Variants in MFAP1 observed in about 807,000 individuals in gnomAD.
MFAP1 encodes the protein microfibrillar-associated protein 1.
In MFAP1, 18 loss-of-function variants were observed where a neutral mutation model predicts 62.2. The observed-to-expected ratio is 0.29, with a 90% CI of 0.20 to 0.43. MFAP1 has a LOEUF of 0.43. Among genes scored for constraint, MFAP1 ranks in the 20% least tolerant of loss-of-function variants. The probability of loss-of-function intolerance (pLI) is 1.00; values close to 1 mark genes in which losing one functional copy is unlikely to be tolerated. For synonymous variants in MFAP1, 175 were observed against 180.4 expected (o/e 0.97, Z 0.24); for missense variants, 355 against 559.7 (o/e 0.63, Z 3.69).
intron 7 of MFAP1, among the ~76,000 whole-genome samples, chr15:43,806,432 T>C (rs2087366189): frequency 6.6e-6 from 1 of 152,234 alleles, no homozygotes; most frequent in South Asian, 2.1e-4. Context: ...ATTCAATCAG[T>C]TGCCACATCT....
At chr15:43,806,873 A>AAAATAAAT (rs568880077) in intron 7 of MFAP1, among the ~76,000 whole-genome samples, 3 of 151,572 alleles carry the variant, frequency 2.0e-5, no homozygotes, top group Non-Finnish European at 4.4e-5. Flanking sequence ...TTCCATCTCA[A>AAAATAAAT]AAATAAATAA....
At position 43,805,042 on chromosome 15, in the gene MFAP1, G is replaced by A; in HGVS notation, c.*52C>T. 1 of 1,506,310 alleles carries A rather than the reference G, an allele frequency of 6.6e-7. No individual in the cohort carries two copies. Among genetic ancestry groups the A allele is most frequent in the Admixed American group, 2.1e-5 (1 of 46,814 alleles). The allele number at this position is 1,506,310 out of a possible 1,614,324, so 93.3% of individuals were successfully genotyped here. A position where few individuals can be genotyped will look rare whatever the true frequency, so the allele number is the denominator to read the frequency against. On this transcript the variant is annotated 3_prime_UTR_variant, in exon 9 of 9. Transcript: ENST00000267812. ...AATGAAAAAACCAAATCAAGGACCA[G>A]ATGCTGAGACTCCCCTTGTGTTCCA...
rs1170133538 is a variant in MFAP1, at chr15:43,805,477, A to C, written c.1048-12T>G. On this transcript the variant is annotated splice_polypyrimidine_tract_variant and intron_variant, in intron 7 of 8. Coordinates refer to ENST00000267812, the MANE Select transcript of MFAP1 (RefSeq NM_005926.3). ...TCTTCATCCTCATCCTGTATAAAAAAAATCTTATCAATCTTGTGGCTTTAT... is the reference window on the plus strand; with the variant it reads ...TCTTCATCCTCATCCTGTATAAAAACAATCTTATCAATCTTGTGGCTTTAT... The C allele has an allele frequency of 6.3e-7, 1 of 1,594,522 alleles. No individual in the cohort carries two copies.
intron 2 of MFAP1, 23 bp from the exon 3 acceptor site, chr15:43,815,097 G>A (rs974953339): frequency 6.2e-7 from 1 of 1,613,174 alleles, no homozygotes; most frequent in Non-Finnish European, 8.5e-7. Context: ...ATCTCCAAAT[G>A]TAACACCAAT....
At chr15:43,808,308 C>T (rs1431325956) in intron 7 of MFAP1, among the ~76,000 whole-genome samples, 1 of 152,188 alleles carries the variant, frequency 6.6e-6, no homozygotes, top group Non-Finnish European at 1.5e-5. Context: ...CGGGCTGAAG[C>T]AATCCTTCCA....
intron 1 of MFAP1, among the ~76,000 whole-genome samples, chr15:43,817,864 C>T (rs908761976): frequency 4.6e-5 from 7 of 152,204 alleles, no homozygotes; most frequent in African/African-American, 1.7e-4. Context: ...ACTGCTCAGG[C>T]ATTCTTGTAG....
Position 43,824,601 on chromosome 15 carries a change from T to G in MFAP1, c.-32A>C, listed in dbSNP as rs753304420. On this transcript the variant is annotated 5_prime_UTR_variant, in exon 1 of 9. Transcript: ENST00000267812. ...GGCAGCGACGGTGATTCCCGAAACT[T>G]GACTAATTCCAAACAGTGAACACCA... is the stretch of plus-strand genomic sequence containing the variant. The G allele has an allele frequency of 1.2e-5, 19 of 1,612,474 alleles. No homozygotes were observed. The highest frequency in any genetic ancestry group is 1.6e-5 in the Non-Finnish European group (19 of 1,178,636).
chr15:43,813,096 C>T lies in MFAP1; in HGVS notation c.778G>A (p.Ala260Thr). The change falls in exon 6 of 9, where the codon GCT (alanine) becomes ACT (threonine). Residue 260 changes from alanine to threonine, a missense_variant. Transcript: ENST00000267812. ...KELEENKRSL[A>T]ALDALNTDDE... ...TCAGTATTGAGTGCATCCAATGCAG[C>T]CAGGGATCGCTTGTTCTCTTCCAGC... 6.2e-7 allele frequency: 1 copy of T among 1,614,192 alleles called. No individual in the cohort carries two copies. The highest frequency in any genetic ancestry group is 8.5e-7 in the Non-Finnish European group (1 of 1,180,032).
chr15:43,812,998 T>A lies in MFAP1; in HGVS notation c.876A>T (p.Glu292Asp). ...RELKRIKRDR[E>D]DREALEKEKA... ...ATCTTTTTACTCACGCTTCTCGATC[T>A]TCTCTGTCCCTCTTGATTCTTTTTA... The change falls in exon 6 of 9, where the codon GAA becomes GAT. Residue 292 changes from glutamate to aspartate, a missense_variant. Coordinates refer to ENST00000267812, the MANE Select transcript of MFAP1 (RefSeq NM_005926.3). The A allele has an allele frequency of 6.2e-7, 1 of 1,614,030 alleles. No individual in the cohort carries two copies. Among genetic ancestry groups the A allele is most frequent in the African/African-American group, 1.3e-5 (1 of 75,042 alleles).
At chr15:43,814,713 G>A (rs2141709046) in intron 3 of MFAP1, 25 bp from the exon 4 acceptor site, 1 of 1,609,196 alleles carries the variant, frequency 6.2e-7, no homozygotes, top group Non-Finnish European at 8.5e-7. Context: ...ATATAAGCCA[G>A]TCAGTCAAAT....
In MFAP1 at chr15:43,824,540, T is replaced by C. The variant is rs745901056; in HGVS notation, c.30A>G (p.Gln10=). 1.2e-6 allele frequency: 2 copies of C among 1,614,112 alleles called. No homozygotes were observed. Among genetic ancestry groups the C allele is most frequent in the South Asian group, 1.1e-5 (1 of 91,078 alleles). Residue 10 remains glutamine, a synonymous_variant, in exon 1 of 9, where the codon CAA becomes CAG. Coordinates refer to ENST00000267812, the MANE Select transcript of MFAP1 (RefSeq NM_005926.3). MSVPSALMK[Q]PPIQSTAGAV... is the part of the protein sequence containing the mutation. ...CCCCAGCCGTAGACTGAATGGGCGG[T>C]TGCTTCATGAGAGCGCTTGGGACCG...
intron 1 of MFAP1, 105 bp downstream of exon 1, chr15:43,824,386 C>A: frequency 8.8e-7 from 1 of 1,133,446 alleles, no homozygotes; most frequent in East Asian, 2.5e-5. Flanking sequence ...GCAGCCAGAT[C>A]TCAAGAGCTG....
intron 7 of MFAP1, among the ~76,000 whole-genome samples, chr15:43,809,225 C>A (rs1001636527): frequency 2.6e-5 from 4 of 151,744 alleles, no homozygotes; most frequent in African/African-American, 9.7e-5. Context: ...TGCCTGTATT[C>A]CTAATACTTT....
intron 1 of MFAP1, among the ~76,000 whole-genome samples, chr15:43,823,904 G>C (rs1307308734): frequency 6.6e-6 from 1 of 152,154 alleles, no homozygotes; most frequent in Non-Finnish European, 1.5e-5. Flanking sequence ...TTCGAGTCCA[G>C]CCTGGGCAGC....
chr15:43,822,200 C>CAAAAAA (rs779775224), intron 1 of MFAP1, among the ~76,000 whole-genome samples: 2 of 65,952 alleles, frequency 3.0e-5, no homozygotes, highest in African/African-American at 9.6e-5. Flanking sequence ...AACTCTTTCT[C>CAAAAAA]AAAAAAAAAA....
At position 43,817,995 on chromosome 15, in the gene MFAP1, T is replaced by C. The variant is rs555926827; in HGVS notation, c.80-547A>G. On this transcript the variant is annotated intron_variant, in intron 1 of 8. Transcript: ENST00000267812. ...ATGTGTTATCAAACATGCAAGAGTA[T>C]GTAATCTCTTACAAATACAATTCTT... 1.1e-3 allele frequency among the ~76,000 whole-genome samples: 165 copies of C among 152,138 alleles called. 2 individuals carry two copies. In the South Asian group the frequency reaches 0.033, roughly 30 times the overall value.
At chr15:43,815,580 T>C (rs1170429930) in intron 2 of MFAP1, among the ~76,000 whole-genome samples, 1 of 151,934 alleles carries the variant, frequency 6.6e-6, no homozygotes, top group Non-Finnish European at 1.5e-5. Flanking sequence ...ACTAAATGTA[T>C]GTTGAGGCAT....
At chr15:43,806,317 A>T (rs952147625) in intron 7 of MFAP1, among the ~76,000 whole-genome samples, 6 of 152,122 alleles carry the variant, frequency 3.9e-5, no homozygotes, top group Admixed American at 3.9e-4. Context: ...ACCATTTATT[A>T]ATACCTAACC....
intron 1 of MFAP1, 39 bp downstream of exon 1, chr15:43,824,452 G>T (rs762132770): frequency 2.2e-5 from 36 of 1,607,440 alleles, no homozygotes; most frequent in Non-Finnish European, 2.9e-5. Context: ...GGCCGGAAGG[G>T]GTTAAAATTC....
Sources: gnomAD v4.1 joint callset for allele counts (sites outside exome capture counted in the v4.1 genomes callset) on GRCh38, gnomAD v4.1.1 for gene constraint, MANE v1.5 for transcripts, NCBI Gene and HGNC (gene_info 2026-07-23, HGNC 2026-07-21) for gene names.